The following FBXW10 variants were observed in gnomAD, a reference collection of about 807,000 sequenced individuals.
The protein encoded by FBXW10 is F-box/WD repeat-containing protein 10.
A neutral mutation model predicts 113.1 loss-of-function variants in FBXW10; 68 were observed. The ratio of observed to expected loss-of-function variants is 0.60; its 90% CI spans 0.49 to 0.74. FBXW10 has a LOEUF of 0.74. Among genes scored for constraint, FBXW10 ranks in the 30% least tolerant of loss-of-function variants. FBXW10 has a pLI of 0.00. For missense variants in FBXW10, 753 were observed against 1,284.5 expected, an observed-to-expected ratio of 0.59 and a Z score of 6.32; for synonymous variants, 289 against 481.6, an observed-to-expected ratio of 0.60 and a Z score of 5.24.
chr17:18,775,109 A>G, intron 12 of FBXW10, 27 bp from the exon 13 acceptor site: 1 of 1,552,812 alleles, frequency 6.4e-7, no homozygotes, highest in Non-Finnish European at 8.9e-7. Context: ...TATAATGACT[A>G]CAGCTTCTTC....
chr17:18,752,538 C>T (rs1166054535), intron 5 of FBXW10, among the ~76,000 whole-genome samples: 1 of 151,970 alleles, frequency 6.6e-6, no homozygotes, highest in African/African-American at 2.4e-5. Flanking sequence ...CATAGTGAAA[C>T]CCTGTCTCTA....
chr17:18,745,483 T>C (rs2035023371), intron 1 of FBXW10: 1 of 153,340 alleles, frequency 6.5e-6, no homozygotes, highest in African/African-American at 2.4e-5. Flanking sequence ...TGGTGCGATC[T>C]TGGCTCACTG....
chr17:18,766,888 C>T lies in FBXW10; in HGVS notation c.1704+26C>T, dbSNP rs767072423. On this transcript the variant is annotated intron_variant, in intron 9 of 13. Transcript: ENST00000395665. ...GTAAGTGGGCAGTGGGCTACCTTGG[C>T]GGAAAGGGCACTGGGGAGGAGATGG... The T allele has an allele frequency of 5.7e-5, 89 of 1,562,334 alleles. No homozygotes were observed. The Admixed American group carries it at 1.2e-3, about 20-fold the overall frequency.
Position 18,744,604 on chromosome 17 carries a change from G to T in FBXW10, c.360G>T (p.Glu120Asp). ...AAACAGTAGAACAGAAGATGAAAGA[G>T]ATCTTGTACTGGTTTGCGAACAGCA... ...LDKTVEQKMK[E>D]ILYWFANSTQ... Residue 120 changes from glutamate to aspartate, a missense_variant, in exon 1 of 14, where the codon GAG becomes GAT. By Grantham distance (45) the Glu-to-Asp change is conservative. Transcript: ENST00000395665. The T allele has an allele frequency of 6.2e-7, 1 of 1,613,994 alleles. No homozygotes were observed. Among genetic ancestry groups the T allele is most frequent in the Non-Finnish European group, 8.5e-7 (1 of 1,179,882 alleles).
Position 18,769,511 on chromosome 17 carries a change from G to A in FBXW10, c.1848-416G>A, listed in dbSNP as rs560637686. The A allele has an allele frequency of 1.6e-3, 247 of 157,700 alleles. 2 individuals carry two copies. The highest frequency in any genetic ancestry group is 4.3e-3 in the Admixed American group (67 of 15,562). 9.8% of individuals were successfully genotyped at this position (157,700 alleles called of 1,614,324 possible). On this transcript the variant is annotated intron_variant, in intron 10 of 13. Transcript: ENST00000395665. ...ATGACAGCAGGCCGGGCATGGTGGC[G>A]CACGCCTGTAATCCCAGCACTTTGG...
chr17:18,753,931 C>T (rs1190377029), intron 5 of FBXW10, among the ~76,000 whole-genome samples: 1 of 151,710 alleles, frequency 6.6e-6, no homozygotes, highest in East Asian at 1.9e-4. Context: ...GCAGGTGAAA[C>T]AGTATGGAGA....
rs761931712 is a variant in FBXW10, at chr17:18,750,973, G to T, written c.1042G>T (p.Val348Phe). ...RGIDPNYANK[V>F]SIPVPKMVDD... is the part of the protein sequence containing the mutation. Reference sequence around the variant, plus strand: ...AATTGATCCTAATTATGCCAATAAGGTTTCTATCCCAGTTCCTAAAATGGT... The same window carrying T: ...AATTGATCCTAATTATGCCAATAAGTTTTCTATCCCAGTTCCTAAAATGGT... The change falls in exon 5 of 14, where the codon GTT becomes TTT. Residue 348 changes from valine to phenylalanine, a missense_variant. Val to Phe is a conservative substitution (Grantham distance 50, BLOSUM62 -1). Coordinates refer to ENST00000395665, the MANE Select transcript of FBXW10 (RefSeq NM_001267585.2). 27 of 1,613,950 alleles carry T rather than the reference G, an allele frequency of 1.7e-5. No individual in the cohort carries two copies. The highest frequency in any genetic ancestry group is 2.3e-5 in the Non-Finnish European group (27 of 1,180,022).
intron 13 of FBXW10, among the ~76,000 whole-genome samples, chr17:18,776,298 T>A (rs1422431742): frequency 6.6e-6 from 1 of 151,972 alleles, no homozygotes; most frequent in Non-Finnish European, 1.5e-5. Context: ...AACTCTAGCC[T>A]GGGTGACAGA....
intron 11 of FBXW10, among the ~76,000 whole-genome samples, chr17:18,771,416 T>G (rs2035611184): frequency 6.6e-6 from 1 of 152,072 alleles, no homozygotes; most frequent in African/African-American, 2.4e-5. Flanking sequence ...ACTGGTGGGT[T>G]AGGGAGGCAG....
At chr17:18,773,180 G>T (rs940711695) in intron 12 of FBXW10, among the ~76,000 whole-genome samples, 1 of 151,768 alleles carries the variant, frequency 6.6e-6, no homozygotes, top group African/African-American at 2.4e-5. Flanking sequence ...TGATCCTCCC[G>T]GCTTGGCTTC....
intron 6 of FBXW10, among the ~76,000 whole-genome samples, chr17:18,757,671 T>C (rs2035292629): frequency 6.6e-6 from 1 of 152,160 alleles, no homozygotes; most frequent in South Asian, 2.1e-4. Context: ...TAGTGTCCCC[T>C]TTCACAATAA....
chr17:18,770,065 C>T lies in FBXW10; in HGVS notation c.1986C>T (p.Ser662=). 2.5e-6 allele frequency: 4 copies of T among 1,614,126 alleles called. No homozygotes were observed. The highest frequency in any genetic ancestry group is 3.4e-6 in the Non-Finnish European group (4 of 1,180,018). ...KANGRGDPVL[S]FFIQGNRMVV... is the part of the protein sequence containing the mutation. ...ATGGCAGAGGTGATCCTGTGCTGTC[C>T]TTCTTTATTCAGGGCAACAGGTGGG... is the stretch of plus-strand genomic sequence containing the variant. Residue 662 remains serine, a synonymous_variant, in exon 11 of 14, where the codon TCC becomes TCT. Coordinates refer to ENST00000395665, the MANE Select transcript of FBXW10 (RefSeq NM_001267585.2).
Position 18,752,323 on chromosome 17 carries a change from G to C in FBXW10, c.1122+1270G>C, listed in dbSNP as rs1270375173. Reference sequence around the variant, plus strand: ...TGACCTGCTAGACCATCTAAGTCTTGGAAGATAGAAACCTGAGGTATTATG... The same window carrying C: ...TGACCTGCTAGACCATCTAAGTCTTCGAAGATAGAAACCTGAGGTATTATG... On this transcript the variant is annotated intron_variant, in intron 5 of 13. Transcript: ENST00000395665. Among the ~76,000 whole-genome samples the C allele has an allele frequency of 2.6e-5, 4 of 152,070 alleles. No homozygotes were observed. In the East Asian group the frequency reaches 7.7e-4, roughly 29 times the overall value.
chr17:18,777,913 A>C (rs578122287), intron 13 of FBXW10, among the ~76,000 whole-genome samples: 3 of 152,224 alleles, frequency 2.0e-5, no homozygotes, highest in African/African-American at 7.2e-5. Flanking sequence ...ATGCTCACTT[A>C]GAGGCTAATA....
chr17:18,776,284 C>T (rs997540502), intron 13 of FBXW10, among the ~76,000 whole-genome samples: 5 of 151,898 alleles, frequency 3.3e-5, no homozygotes, highest in African/African-American at 1.2e-4. Context: ...GATCGTGCCA[C>T]TGCAACTCTA....
intron 1 of FBXW10, chr17:18,744,971 G>A (rs2035012460): frequency 6.3e-6 from 9 of 1,424,852 alleles, no homozygotes; most frequent in Non-Finnish European, 8.2e-6. Flanking sequence ...ATCAATGCAG[G>A]AGGAAGTACA....
At chr17:18,773,953 A>G (rs2035659301) in intron 12 of FBXW10, among the ~76,000 whole-genome samples, 1 of 152,234 alleles carries the variant, frequency 6.6e-6, no homozygotes, top group Non-Finnish European at 1.5e-5. Context: ...AGACAAAAAC[A>G]GAGGTGCTGA....
Position 18,744,177 on chromosome 17 carries a change from C to T in FBXW10, c.-68C>T, listed in dbSNP as rs1416313673. On this transcript the variant is annotated 5_prime_UTR_variant, in exon 1 of 14. Coordinates refer to ENST00000395665, the MANE Select transcript of FBXW10 (RefSeq NM_001267585.2). ...GGGGTATTTATTCATTCCCCCCGTT[C>T]CTCTAGTGTTTGGTGGCGTTGCCGT... is the stretch of plus-strand genomic sequence containing the variant. The T allele has an allele frequency of 6.5e-7, 1 of 1,535,840 alleles. No homozygotes were observed. The highest frequency in any genetic ancestry group is 8.8e-7 in the Non-Finnish European group (1 of 1,140,376).
At chr17:18,768,026 T>TCTTCCTTCCTTC (rs72275127) in intron 9 of FBXW10, among the ~76,000 whole-genome samples, 23,722 of 135,544 alleles carry the variant, frequency 0.18, 2,266 homozygotes, top group Non-Finnish European at 0.21. Flanking sequence ...TTCCTTCCTT[T>TCTTCCTTCCTTC]CTTCCTTCCT....
Sources: allele counts gnomAD v4.1 joint callset (sites outside exome capture counted in the v4.1 genomes callset), GRCh38; gene constraint gnomAD v4.1.1; transcripts MANE v1.5; gene names NCBI Gene and HGNC (gene_info 2026-07-23, HGNC 2026-07-21).